The following PID1 variants were observed in gnomAD, a reference collection of about 807,000 sequenced individuals.
The protein encoded by PID1 is PTB-containing, cubilin and LRP1-interacting protein.
A neutral mutation model predicts 19.1 loss-of-function variants in PID1; 10 were observed. The ratio of observed to expected loss-of-function variants is 0.52; its 90% CI spans 0.32 to 0.89. The LOEUF is 0.89. PID1 is among the 40% of genes least tolerant of loss of function. The probability of loss-of-function intolerance (pLI) is 0.03; values close to 1 mark genes in which losing one functional copy is unlikely to be tolerated. For synonymous variants in PID1, 130 were observed against 116.0 expected (o/e 1.12, Z -0.78); for missense variants, 248 against 285.3 (o/e 0.87, Z 0.94).
At chr2:229,049,641 T>C (rs1693950653) in intron 2 of PID1, among the ~76,000 whole-genome samples, 1 of 106,464 alleles carries the variant, frequency 9.4e-6, no homozygotes, top group African/African-American at 4.5e-5. Flanking sequence ...TATAAGATGA[T>C]ATAAGAGACA....
At chr2:229,226,170 G>C (rs1559293312) in intron 1 of PID1, among the ~76,000 whole-genome samples, 1 of 152,170 alleles carries the variant, frequency 6.6e-6, no homozygotes, top group Non-Finnish European at 1.5e-5. Flanking sequence ...CTTAGTTCTT[G>C]TTTTAATTGG....
intron 2 of PID1, among the ~76,000 whole-genome samples, chr2:229,151,840 G>C (rs866602555): frequency 5.3e-5 from 8 of 152,284 alleles, no homozygotes; most frequent in Middle Eastern, 3.4e-3. Flanking sequence ...AAAGTGCTGG[G>C]ATTACAGGCG....
intron 2 of PID1, among the ~76,000 whole-genome samples, chr2:229,140,545 G>T (rs1246864062): frequency 6.6e-6 from 1 of 151,920 alleles, no homozygotes; most frequent in African/African-American, 2.4e-5. Context: ...CCTGGCATAT[G>T]ATCTTTTCTA....
At chr2:229,037,623 A>G (rs1226102108) in intron 2 of PID1, among the ~76,000 whole-genome samples, 1 of 152,210 alleles carries the variant, frequency 6.6e-6, no homozygotes, top group African/African-American at 2.4e-5. Context: ...CCTGAAGACA[A>G]AGTCACTTAA....
At chr2:229,176,763 T>C (rs1690832744) in intron 1 of PID1, among the ~76,000 whole-genome samples, 1 of 152,200 alleles carries the variant, frequency 6.6e-6, no homozygotes, top group Admixed American at 6.5e-5. Flanking sequence ...CCAAAAAATC[T>C]ACTGTGGGCC....
intron 2 of PID1, among the ~76,000 whole-genome samples, chr2:229,042,420 C>T (rs1693790304): frequency 6.6e-6 from 1 of 152,102 alleles, no homozygotes; most frequent in Admixed American, 6.5e-5. Flanking sequence ...GTTGACTAAG[C>T]AATGTTCATA....
At chr2:229,107,819 A>G (rs1695209909) in intron 2 of PID1, among the ~76,000 whole-genome samples, 1 of 152,226 alleles carries the variant, frequency 6.6e-6, no homozygotes, top group Admixed American at 6.5e-5. Flanking sequence ...GAAGCTTGTT[A>G]GAAAATGCAG....
chr2:229,163,469 A>G lies in PID1; in HGVS notation c.31-7505T>C, dbSNP rs139855752. Among the ~76,000 whole-genome samples the G allele has an allele frequency of 7.7e-3, 1,162 of 151,668 alleles. 17 individuals are homozygous for G. Among genetic ancestry groups the G allele is most frequent in the African/African-American group, 0.026 (1,097 of 41,422 alleles). On this transcript the variant is annotated intron_variant, in intron 1 of 2. Coordinates refer to ENST00000392055, the MANE Select transcript of PID1 (RefSeq NM_001100818.2). ...TGAAAATACTCATGTTCACACAGCCATATTTATTCATGCAGCTTTGATCAT... is the reference window on the plus strand; with the variant it reads ...TGAAAATACTCATGTTCACACAGCCGTATTTATTCATGCAGCTTTGATCAT...
intron 1 of PID1, among the ~76,000 whole-genome samples, chr2:229,268,116 A>G (rs1028803963): frequency 2.0e-5 from 3 of 152,240 alleles, no homozygotes; most frequent in African/African-American, 7.2e-5. Flanking sequence ...TCAAGGGAGC[A>G]GATGAACTTG....
intron 1 of PID1, among the ~76,000 whole-genome samples, chr2:229,160,874 T>A (rs1294288828): frequency 6.6e-6 from 1 of 152,204 alleles, no homozygotes; most frequent in East Asian, 1.9e-4. Context: ...ACATTTTATG[T>A]AACTCTGAGT....
At chr2:229,046,480 G>A (rs1693884468) in intron 2 of PID1, among the ~76,000 whole-genome samples, 1 of 151,818 alleles carries the variant, frequency 6.6e-6, no homozygotes, top group Admixed American at 6.6e-5. Context: ...TCTTTTTGGA[G>A]AGGTATATAG....
At chr2:229,136,611 G>C (rs1362250) in intron 2 of PID1, among the ~76,000 whole-genome samples, 59,934 of 151,916 alleles carry the variant, frequency 0.39, 12,000 homozygotes, top group South Asian at 0.57. Flanking sequence ...GCTCTTTACT[G>C]AATTAAGGAT....
rs1376932480 is a variant in PID1, at chr2:229,025,814, G to A, written c.472C>T (p.Leu158=). 3 of 1,614,214 alleles carry A rather than the reference G, an allele frequency of 1.9e-6. No individual in the cohort carries two copies. The highest frequency in any genetic ancestry group is 1.7e-5 in the Admixed American group (1 of 60,036). ...GCGTGGCAGTCCATCTGGTAGGACA[G>A]GTCATCATTGATCTCCCTGTAGACC... ...AWVYREINDD[L]SYQMDCHAVE... Residue 158 remains leucine, a synonymous_variant, in exon 3 of 3, where the codon CTG becomes TTG. Transcript: ENST00000392055.
chr2:229,247,290 A>G lies in PID1; in HGVS notation c.30+23724T>C, dbSNP rs546766122. Among the ~76,000 whole-genome samples the G allele has an allele frequency of 8.7e-4, 133 of 152,352 alleles. 2 individuals are homozygous for G. The South Asian group carries it at 0.024, about 28-fold the overall frequency. On this transcript the variant is annotated intron_variant, in intron 1 of 2. Coordinates refer to ENST00000392055, the MANE Select transcript of PID1 (RefSeq NM_001100818.2). ...GGCCCAAGGCTAGTATGAAAGCTCC[A>G]GAACTCACACATCTTTATGTTCTAC...
chr2:229,076,158 A>G (rs1198028592), intron 2 of PID1, among the ~76,000 whole-genome samples: 1 of 152,232 alleles, frequency 6.6e-6, no homozygotes, highest in Non-Finnish European at 1.5e-5. Flanking sequence ...CCAGTAATCT[A>G]TATTTTTAAC....
intron 1 of PID1, among the ~76,000 whole-genome samples, chr2:229,235,389 T>C (rs932574723): frequency 6.6e-6 from 1 of 152,120 alleles, no homozygotes; most frequent in African/African-American, 2.4e-5. Context: ...CTGAAGTCTG[T>C]TGACTAAGAC....
intron 1 of PID1, among the ~76,000 whole-genome samples, chr2:229,211,656 A>G (rs1691736002): frequency 6.6e-6 from 1 of 152,162 alleles, no homozygotes; most frequent in South Asian, 2.1e-4. Flanking sequence ...TATCTCTTCT[A>G]CAGAATGTGA....
intron 2 of PID1, among the ~76,000 whole-genome samples, chr2:229,081,232 T>G (rs1306260782): frequency 1.3e-5 from 2 of 152,188 alleles, no homozygotes; most frequent in Non-Finnish European, 2.9e-5. Context: ...CATTGTTTTC[T>G]GAAAACTTAC....
chr2:229,104,687 T>A (rs969367211), intron 2 of PID1, among the ~76,000 whole-genome samples: 1 of 152,228 alleles, frequency 6.6e-6, no homozygotes, highest in Non-Finnish European at 1.5e-5. Context: ...TCTGTATGGA[T>A]TCCCAGACAT....
Sources: allele counts gnomAD v4.1 joint callset (sites outside exome capture counted in the v4.1 genomes callset), GRCh38; gene constraint gnomAD v4.1.1; transcripts MANE v1.5; gene names NCBI Gene and HGNC (gene_info 2026-07-23, HGNC 2026-07-21).